The following POLB variants were observed in gnomAD, a reference collection of about 807,000 sequenced individuals.
POLB encodes the protein DNA polymerase beta, also known as 5'-dRP lyase.
A neutral mutation model predicts 52.7 loss-of-function variants in POLB; 37 were observed. That is an observed-to-expected ratio of 0.70 (90% CI 0.54 to 0.92). The LOEUF (loss-of-function observed/expected upper bound fraction) is 0.92. Among genes scored for constraint, POLB ranks in the 40% least tolerant of loss-of-function variants. The pLI, the probability that POLB is intolerant of heterozygous loss-of-function variation, is 0.00. For synonymous variants in POLB, 138 were observed against 131.3 expected, an observed-to-expected ratio of 1.05 and a Z score of -0.35; for missense variants, 313 against 400.8, an observed-to-expected ratio of 0.78 and a Z score of 1.87.
intron 12 of POLB, 144 bp downstream of exon 12, chr8:42,369,479 G>C: frequency 1.8e-6 from 1 of 570,418 alleles, no homozygotes; most frequent in Non-Finnish European, 3.1e-6. Context: ...CAAATGCAAT[G>C]TTTAGCTCCA....
intron 11 of POLB, 124 bp downstream of exon 11, chr8:42,362,822 T>G: frequency 1.7e-6 from 1 of 593,492 alleles, no homozygotes. Flanking sequence ...CCATGAGACT[T>G]TAAAGAAAAA....
Position 42,364,403 on chromosome 8 carries a change from AT to A in POLB, c.708+1711del, listed in dbSNP as rs566843422. Among the ~76,000 whole-genome samples the A allele has an allele frequency of 1.3e-4, 20 of 151,784 alleles. No individual in the cohort carries two copies. The East Asian group carries it at 3.9e-3, about 29-fold the overall frequency. ...ACCACCATACCTGGCTAATTTTTGTATTTTTTGTAGAGGTGGGGTTTCACCA... is the reference window on the plus strand; with the variant it reads ...ACCACCATACCTGGCTAATTTTTGTATTTTTGTAGAGGTGGGGTTTCACCA... On this transcript the variant is annotated intron_variant, in intron 11 of 13. Transcript: ENST00000265421.
In POLB at chr8:42,355,563, C is replaced by A; in HGVS notation, c.418C>A (p.Leu140Met). ...DKLNHHQRIG[L>M]KYFGDFEKRI... ...ATTGAACCATCATCAGCGAATTGGG[C>A]TGAAGTAAGATGGCAGATTTTCTTT... The change falls in exon 7 of 14, where the codon CTG becomes ATG. Residue 140 changes from leucine to methionine, a missense_variant. Around this residue, in one of 3 missense-constraint regions of POLB, gnomAD observed 246 missense variants for 297.6 expected, o/e 0.83. Transcript: ENST00000265421. 6.3e-7 allele frequency: 1 copy of A among 1,588,660 alleles called. No individual in the cohort carries two copies. The highest frequency in any genetic ancestry group is 8.6e-7 in the Non-Finnish European group (1 of 1,157,614).
intron 5 of POLB, among the ~76,000 whole-genome samples, chr8:42,352,093 T>A: frequency 6.6e-6 from 1 of 152,230 alleles, no homozygotes; most frequent in East Asian, 1.9e-4. Context: ...AGCCATTCTG[T>A]CATATTCTAT....
At chr8:42,362,726 TA>T (rs2307165) in intron 11 of POLB, 28 bp downstream of exon 11, 99,271 of 1,289,764 alleles carry the variant, frequency 0.077, 4,681 homozygotes, top group Non-Finnish European at 0.087. Flanking sequence ...TTAGCACATC[TA>T]AAAAAAAACT....
chr8:42,346,895 C>T (rs1413885804), intron 3 of POLB, among the ~76,000 whole-genome samples: 1 of 152,110 alleles, frequency 6.6e-6, no homozygotes, highest in Non-Finnish European at 1.5e-5. Context: ...GTATATCCTC[C>T]TTAAATAGAC....
rs190443834 is a variant in POLB, at chr8:42,358,451, G to A, written c.550+1059G>A. Among the ~76,000 whole-genome samples the A allele has an allele frequency of 2.6e-4, 40 of 152,094 alleles. No individual in the cohort carries two copies. The East Asian group carries it at 6.0e-3, about 23-fold the overall frequency. On this transcript the variant is annotated intron_variant, in intron 9 of 13. Transcript: ENST00000265421. ...TGGGAGGCGGAGCTTGCAGTGAGCC[G>A]AGATCAAGCCGCTGCACTCCAGCCT...
intron 5 of POLB, 104 bp downstream of exon 5, chr8:42,350,169 C>T: frequency 1.3e-6 from 1 of 792,790 alleles, no homozygotes. Flanking sequence ...TTCACCACCT[C>T]TGTACCTTAG....
chr8:42,364,580 C>T (rs1232677093), intron 11 of POLB, among the ~76,000 whole-genome samples: 3 of 152,064 alleles, frequency 2.0e-5, no homozygotes, highest in African/African-American at 4.8e-5. Flanking sequence ...ATACATCATT[C>T]GAGTCCATTT....
At chr8:42,367,080 G>T (rs935402488) in intron 11 of POLB, among the ~76,000 whole-genome samples, 2 of 152,082 alleles carry the variant, frequency 1.3e-5, no homozygotes, top group South Asian at 4.1e-4. Context: ...AATGAGGAGA[G>T]TGAGCACCCC....
intron 7 of POLB, among the ~76,000 whole-genome samples, chr8:42,355,953 C>A (rs1585895363): frequency 2.0e-5 from 3 of 151,946 alleles, no homozygotes; most frequent in Admixed American, 2.0e-4. Context: ...TATAGTCTAC[C>A]CGAGAAGGTA....
chr8:42,354,469 A>T (rs1459929421), intron 6 of POLB: 1 of 1,282,620 alleles, frequency 7.8e-7, no homozygotes, highest in African/African-American at 1.5e-5. Flanking sequence ...GAACTGAGTC[A>T]CTTTTAGACT....
chr8:42,343,003 A>G (rs974520523), intron 2 of POLB, among the ~76,000 whole-genome samples: 20 of 152,090 alleles, frequency 1.3e-4, no homozygotes, highest in South Asian at 1.0e-3. Flanking sequence ...AGCCTGGCCA[A>G]CATGGTGAAG....
At position 42,355,650 on chromosome 8, in the gene POLB, T is replaced by G. The variant is rs1213623610; in HGVS notation, c.422+83T>G. On this transcript the variant is annotated intron_variant, in intron 7 of 13. Transcript: ENST00000265421. ...ATTCTTTTATACACCAGAAGGACTC[T>G]TCAAACTTAGCTAAACCACAACCAT... The G allele has an allele frequency of 1.7e-5, 14 of 800,610 alleles. No individual in the cohort carries two copies. In the East Asian group the frequency reaches 3.6e-4, roughly 20 times the overall value. 49.6% of individuals were successfully genotyped at this position (800,610 alleles called of 1,614,324 possible). A position where few individuals can be genotyped will look rare whatever the true frequency, so the allele number is the denominator to read the frequency against.
chr8:42,338,730 G>T (rs1327149177), intron 1 of POLB, 45 bp downstream of exon 1: 2 of 1,568,070 alleles, frequency 1.3e-6, no homozygotes, highest in South Asian at 2.2e-5. Context: ...TTTCCTTCCA[G>T]CCTCTTCCCC....
chr8:42,353,174 C>CA (rs1823083069), intron 6 of POLB, among the ~76,000 whole-genome samples: 1 of 138,388 alleles, frequency 7.2e-6, no homozygotes, highest in African/African-American at 2.6e-5. Context: ...GCCTTTATTT[C>CA]TTTTTTTTTT....
intron 7 of POLB, among the ~76,000 whole-genome samples, chr8:42,355,969 T>C (rs962455206): frequency 6.6e-6 from 1 of 152,130 alleles, no homozygotes; most frequent in African/African-American, 2.4e-5. Context: ...AGGTAGGACA[T>C]GAATATGAAA....
intron 2 of POLB, among the ~76,000 whole-genome samples, chr8:42,342,953 C>G (rs1288860282): frequency 3.3e-5 from 5 of 152,072 alleles, no homozygotes; most frequent in African/African-American, 1.2e-4. Flanking sequence ...CTTTGGGAGA[C>G]CGAGGCAGGT....
intron 2 of POLB, chr8:42,342,012 C>A: frequency 1.3e-6 from 1 of 767,406 alleles, no homozygotes; most frequent in Non-Finnish European, 2.4e-6. Context: ...TCTTTATCTT[C>A]CATTAAGTAG....
Sources: allele counts gnomAD v4.1 joint callset (sites outside exome capture counted in the v4.1 genomes callset), GRCh38; gene constraint gnomAD v4.1.1; regional missense constraint gnomAD v4.1.1; transcripts MANE v1.5; gene names NCBI Gene and HGNC (gene_info 2026-07-23, HGNC 2026-07-21).